GRIA1: variants seen among roughly 807,000 people sequenced by gnomAD.
The protein encoded by GRIA1 is glutamate receptor 1.
GRIA1 carries 31 observed loss-of-function variants against 99.2 expected under a neutral mutation model. The observed-to-expected ratio is 0.31, with a 90% CI of 0.23 to 0.42. GRIA1 has a LOEUF of 0.42. GRIA1 is among the 10% of genes least tolerant of loss of function. The probability of loss-of-function intolerance (pLI) is 1.00; values close to 1 mark genes in which losing one functional copy is unlikely to be tolerated. For synonymous variants in GRIA1, 438 were observed against 432.4 expected, an observed-to-expected ratio of 1.01 and a Z score of -0.16; for missense variants, 782 against 1,157.5, an observed-to-expected ratio of 0.68 and a Z score of 4.71.
Position 153,686,346 on chromosome 5 carries a change from C to T in GRIA1, c.1134+17C>T, listed in dbSNP as rs1020902552. 2.5e-6 allele frequency: 4 copies of T among 1,583,706 alleles called. No individual in the cohort carries two copies. The highest frequency in any genetic ancestry group is 3.5e-6 in the Non-Finnish European group (4 of 1,152,738). ...ATCCGAAAGGTAAGGTCCCCCTTTA[C>T]TTCTGTTCTGCAGAGAGAAGAGGCT... On this transcript the variant is annotated intron_variant, in intron 8 of 15. Transcript: ENST00000285900.
chr5:153,543,714 G>A (rs1581204571), intron 2 of GRIA1, among the ~76,000 whole-genome samples: 1 of 152,152 alleles, frequency 6.6e-6, no homozygotes. Flanking sequence ...AAAAGTCAAA[G>A]CTCTTTGAAA....
chr5:153,807,815 G>C (rs1477648503), intron 15 of GRIA1, among the ~76,000 whole-genome samples: 3 of 152,198 alleles, frequency 2.0e-5, no homozygotes, highest in South Asian at 2.1e-4. Context: ...CTGATATTAA[G>C]AGCAGCAAAG....
chr5:153,786,740 G>A (rs147754613), intron 13 of GRIA1, among the ~76,000 whole-genome samples: 1 of 152,328 alleles, frequency 6.6e-6, no homozygotes, highest in African/African-American at 2.4e-5. Context: ...GAGAAATAAA[G>A]TGCTCAAGGG....
At chr5:153,661,860 T>C (rs982442658) in intron 5 of GRIA1, among the ~76,000 whole-genome samples, 2 of 152,202 alleles carry the variant, frequency 1.3e-5, no homozygotes, top group Admixed American at 6.5e-5. Context: ...ACCCACTTCA[T>C]GTAGAGAGCC....
In GRIA1 at chr5:153,662,032, C is replaced by T. The variant is rs543896616; in HGVS notation, c.699+6160C>T. On this transcript the variant is annotated intron_variant, in intron 5 of 15. Coordinates refer to ENST00000285900, the MANE Select transcript of GRIA1 (RefSeq NM_000827.4). ...CCTGGAACAGGGCACGACCTGTGTG[C>T]TGCTCACCCTGTGTCACTCTCTCAT... Among the ~76,000 whole-genome samples the T allele has an allele frequency of 1.4e-3, 207 of 152,326 alleles. 1 individual carries two copies. Among genetic ancestry groups the T allele is most frequent in the Non-Finnish European group, 2.2e-3 (151 of 68,034 alleles).
intron 2 of GRIA1, among the ~76,000 whole-genome samples, chr5:153,551,956 C>T (rs1393682020): frequency 1.3e-5 from 2 of 152,104 alleles, no homozygotes; most frequent in Admixed American, 6.6e-5. Flanking sequence ...AGAAAGCCCC[C>T]CCTCATCCTC....
Position 153,626,462 on chromosome 5 carries a change from G to A in GRIA1, c.221-20466G>A, listed in dbSNP as rs1417533885. Among the ~76,000 whole-genome samples the A allele has an allele frequency of 8.0e-5, 12 of 149,942 alleles. No homozygotes were observed. In the South Asian group the frequency reaches 8.5e-4, roughly 11 times the overall value. ...TGTGTGTCTGTGTGTGTGTGTGTGT[G>A]TGTGTGTGTGTGTGTGTGTGTGTGT... On this transcript the variant is annotated intron_variant, in intron 2 of 15. Transcript: ENST00000285900.
Position 153,490,895 on chromosome 5 carries a change from C to A in GRIA1, c.7C>A (p.His3Asn). The change falls in exon 1 of 16, where the codon CAC (histidine) becomes AAC (asparagine). Residue 3 changes from histidine to asparagine, a missense_variant. His to Asn is a moderately conservative substitution (Grantham distance 68, BLOSUM62 1). This residue lies in a region of GRIA1 where 461 missense variants were observed against 521.7 expected (regional missense o/e 0.88). Coordinates refer to ENST00000285900, the MANE Select transcript of GRIA1 (RefSeq NM_000827.4). MQ[H>N]IFAFFCTGFL... ...CGCCAATGCAAAAAGGAATATGCAGCACATTTTTGCCTTCTTCTGCACCGG... is the reference window on the plus strand; with the variant it reads ...CGCCAATGCAAAAAGGAATATGCAGAACATTTTTGCCTTCTTCTGCACCGG... 1 of 1,613,650 alleles carries A rather than the reference C, an allele frequency of 6.2e-7. No homozygotes were observed. The highest frequency in any genetic ancestry group is 8.5e-7 in the Non-Finnish European group (1 of 1,179,564).
intron 7 of GRIA1, among the ~76,000 whole-genome samples, chr5:153,682,267 C>G (rs537766572): frequency 2.6e-5 from 4 of 152,270 alleles, no homozygotes; most frequent in African/African-American, 9.6e-5. Flanking sequence ...AGGGCAACTG[C>G]AAAGGGGATA....
At chr5:153,514,001 C>T (rs1756361602) in intron 2 of GRIA1, among the ~76,000 whole-genome samples, 2 of 152,200 alleles carry the variant, frequency 1.3e-5, no homozygotes, top group South Asian at 4.1e-4. Flanking sequence ...CTCCCCCAAA[C>T]ACCCTGCTGC....
intron 2 of GRIA1, among the ~76,000 whole-genome samples, chr5:153,607,063 ATATAT>A (rs1765510892): frequency 6.8e-6 from 1 of 147,778 alleles, no homozygotes; most frequent in Non-Finnish European, 1.5e-5. Flanking sequence ...ATATATATAT[ATATAT>A]AATCACAGTT....
At chr5:153,743,704 G>A (rs929779052) in intron 11 of GRIA1, among the ~76,000 whole-genome samples, 2 of 152,146 alleles carry the variant, frequency 1.3e-5, no homozygotes, top group African/African-American at 2.4e-5. Context: ...GATTAGGTAC[G>A]CCCAGATAAT....
chr5:153,652,221 T>C (rs926374710), intron 4 of GRIA1, among the ~76,000 whole-genome samples: 1 of 152,144 alleles, frequency 6.6e-6, no homozygotes, highest in Non-Finnish European at 1.5e-5. Flanking sequence ...ATAAAACTGA[T>C]AAAAAGGCAA....
intron 3 of GRIA1, among the ~76,000 whole-genome samples, chr5:153,648,788 A>C (rs567975786): frequency 6.6e-6 from 1 of 152,316 alleles, no homozygotes; most frequent in East Asian, 1.9e-4. Context: ...ACATACAAAA[A>C]ATTAATCCAT....
intron 11 of GRIA1, among the ~76,000 whole-genome samples, chr5:153,731,137 C>G (rs1475757340): frequency 3.3e-5 from 5 of 152,056 alleles, no homozygotes; most frequent in Non-Finnish European, 7.4e-5. Context: ...AAAGTCTAAA[C>G]CTATTAATGT....
chr5:153,489,895 T>C (rs1313130869), upstream of GRIA1: 1 of 454,472 alleles, frequency 2.2e-6, no homozygotes, highest in Non-Finnish European at 4.4e-6. Context: ...TAGACTCCTG[T>C]GGAATGCAGG....
chr5:153,643,960 A>G (rs1195317591), intron 2 of GRIA1, among the ~76,000 whole-genome samples: 4 of 152,244 alleles, frequency 2.6e-5, no homozygotes, highest in Non-Finnish European at 5.9e-5. Flanking sequence ...CAGAGGCCCA[A>G]CTAAATGTGT....
intron 2 of GRIA1, among the ~76,000 whole-genome samples, chr5:153,535,766 G>A (rs1192843949): frequency 1.3e-5 from 2 of 152,186 alleles, no homozygotes; most frequent in East Asian, 1.9e-4. Flanking sequence ...CCCTAACTCA[G>A]TGGCAGTGCC....
chr5:153,637,088 G>T (rs978192657), intron 2 of GRIA1, among the ~76,000 whole-genome samples: 1 of 152,200 alleles, frequency 6.6e-6, no homozygotes, highest in African/African-American at 2.4e-5. Flanking sequence ...TGCATGTGAA[G>T]TGCCAAGAAT....
Sources: allele counts gnomAD v4.1 joint callset (sites outside exome capture counted in the v4.1 genomes callset), GRCh38; gene constraint gnomAD v4.1.1; regional missense constraint gnomAD v4.1.1; transcripts MANE v1.5; gene names NCBI Gene and HGNC (gene_info 2026-07-23, HGNC 2026-07-21).